The following B3GNT9 variants were observed in gnomAD, a reference collection of about 807,000 sequenced individuals.
B3GNT9 encodes UDP-GlcNAc:betaGal beta-1,3-N-acetylglucosaminyltransferase 9, also known as BGnT-9.
For missense variants in B3GNT9, 669 were observed against 599.2 expected, an observed-to-expected ratio of 1.12 and a Z score of -1.22; for synonymous variants, 359 against 283.9, an observed-to-expected ratio of 1.26 and a Z score of -2.66.
chr16:67,150,549 C>T lies in B3GNT9; in HGVS notation c.-64G>A. Reference sequence around the variant, plus strand: ...GCAGTCGGCAGCAGGGGGCAGCGAGCCCCGCCCTCCCCAGCTGAGGGGGCG... The same window carrying T: ...GCAGTCGGCAGCAGGGGGCAGCGAGTCCCGCCCTCCCCAGCTGAGGGGGCG... On this transcript the variant is annotated 5_prime_UTR_variant, in exon 2 of 2. Coordinates refer to ENST00000449549, the MANE Select transcript of B3GNT9 (RefSeq NM_033309.3). The T allele has an allele frequency of 8.1e-7, 1 of 1,227,250 alleles. No individual in the cohort carries two copies. Among genetic ancestry groups the T allele is most frequent in the South Asian group, 3.5e-5 (1 of 28,588 alleles). 76.0% of individuals were successfully genotyped at this position (1,227,250 alleles called of 1,614,324 possible).
In B3GNT9 at chr16:67,150,314, A is replaced by G. The variant is rs1490624380; in HGVS notation, c.172T>C (p.Leu58=). The G allele has an allele frequency of 1.4e-6, 2 of 1,411,606 alleles. No homozygotes were observed. Among genetic ancestry groups the G allele is most frequent in the South Asian group, 1.7e-5 (1 of 59,616 alleles). 87.4% of individuals were successfully genotyped at this position (1,411,606 alleles called of 1,614,324 possible). ...GGCGGGGCTGCACCCGCGTCGGGTA[A>G]CTGGAACGCGCGGGGTCCGGGGGTG... ...RPTPGPRAFQ[L]PDAGAAPPAY... The change falls in exon 2 of 2, where the codon TTA becomes CTA. Residue 58 remains leucine (L), a synonymous_variant. Transcript: ENST00000449549.
Position 67,150,439 on chromosome 16 carries a change from A to G in B3GNT9, c.47T>C (p.Leu16Pro), listed in dbSNP as rs2030434229. 1.5e-6 allele frequency: 2 copies of G among 1,346,998 alleles called. No homozygotes were observed. The highest frequency in any genetic ancestry group is 4.1e-5 in the South Asian group (2 of 48,868). 83.4% of individuals were successfully genotyped at this position (1,346,998 alleles called of 1,614,324 possible). Residue 16 changes from leucine to proline, a missense_variant, in exon 2 of 2, where the codon CTC becomes CCC. Leu to Pro is a moderately conservative substitution (Grantham distance 98). Transcript: ENST00000449549. Reference protein sequence around the residue: ...RLRRDALLTLLLGASLGLLLY... With the variant: ...RLRRDALLTLPLGASLGLLLY... ...TAAGAGGCCCAGGGAGGCGCCAAGG[A>G]GCAGCGTGAGCAATGCGTCCCTGCG...
rs778551587 is a variant in B3GNT9, at chr16:67,150,194, G to A, written c.292C>T (p.Leu98=). The change falls in exon 2 of 2, where the codon CTG becomes TTG. Residue 98 remains leucine, a synonymous_variant. Coordinates refer to ENST00000449549, the MANE Select transcript of B3GNT9 (RefSeq NM_033309.3). ...CACTTGTGCGGCTGGTTAATGAGCA[G>A]TGGAAACCGCCGCTGGTCCTTGGCG... ...LRAKDQRRFP[L]LINQPHKCRG... The A allele has an allele frequency of 4.5e-6, 7 of 1,559,120 alleles. 1 individual carries two copies. In the South Asian group the frequency reaches 8.2e-5, roughly 18 times the overall value.
rs768662463 is a variant in B3GNT9 at position 67,150,295 on chromosome 16, G to A, written c.191C>T (p.Ala64Val). The change falls in exon 2 of 2, where the codon GCC becomes GTC. Residue 64 changes from alanine (A) to valine (V), a missense_variant. Coordinates refer to ENST00000449549, the MANE Select transcript of B3GNT9 (RefSeq NM_033309.3). Reference sequence around the variant, plus strand: ...TGTGTCCCCTTCGTAGGCCGGCGGGGCTGCACCCGCGTCGGGTAACTGGAA... The same window carrying A: ...TGTGTCCCCTTCGTAGGCCGGCGGGACTGCACCCGCGTCGGGTAACTGGAA... ...RAFQLPDAGA[A>V]PPAYEGDTPA... The A allele has an allele frequency of 4.2e-6, 6 of 1,426,632 alleles. No homozygotes were observed. Among genetic ancestry groups the A allele is most frequent in the Admixed American group, 5.6e-5 (2 of 35,496 alleles). 88.4% of individuals were successfully genotyped at this position (1,426,632 alleles called of 1,614,324 possible). A position where few individuals can be genotyped will look rare whatever the true frequency, so the allele number is the denominator to read the frequency against.
rs755469148 is a variant in B3GNT9 at position 67,150,380 on chromosome 16, C to T, written c.106G>A (p.Ala36Thr). The change falls in exon 2 of 2, where the codon GCG (alanine) becomes ACG (threonine). Residue 36 changes from alanine to threonine, a missense_variant. Ala to Thr is a moderately conservative substitution (Grantham distance 58). Coordinates refer to ENST00000449549, the MANE Select transcript of B3GNT9 (RefSeq NM_033309.3). ...YAQRDGAAPT[A>T]SAPRGRGRAA... ...CTCCCTCGCCCTCGCGGCGCGCTCG[C>T]CGTCGGGGCCGCGCCGTCGCGCTGC... 7.4e-6 allele frequency: 10 copies of T among 1,345,558 alleles called. No homozygotes were observed. Among genetic ancestry groups the T allele is most frequent in the Non-Finnish European group, 9.5e-6 (10 of 1,049,562 alleles). 83.4% of individuals were successfully genotyped at this position (1,345,558 alleles called of 1,614,324 possible).
chr16:67,149,802 GC>G lies in B3GNT9; in HGVS notation c.683del (p.Gly228AlafsTer7), dbSNP rs1567659861. On this transcript the variant is annotated frameshift_variant, in exon 2 of 2. Coordinates refer to ENST00000449549, the MANE Select transcript of B3GNT9 (RefSeq NM_033309.3). LOFTEE classifies it low-confidence loss of function (END_TRUNC). ...FCPDVRFVFK[G>X]DADVFVNVGN... ...CCACGTTCACGAACACATCTGCGTC[GC>G]CCTTAAAAACGAAGCGCACGTCGGG... The G allele has an allele frequency of 5.6e-6, 9 of 1,613,890 alleles. No individual in the cohort carries two copies. The highest frequency in any genetic ancestry group is 7.6e-6 in the Non-Finnish European group (9 of 1,179,808).
rs778233853 is a variant in B3GNT9 at position 67,149,664 on chromosome 16, G to T, written c.822C>A (p.Pro274=). ...AGGCGGGCAGGCCGTACACGGCCTC[G>T]GGGATGTAGTACTTGCTAGCCCGCG... ...IRTRASKYYI[P]EAVYGLPAYP... The change falls in exon 2 of 2, where the codon CCC becomes CCA. Residue 274 remains proline (P), a synonymous_variant. Transcript: ENST00000449549. 6.2e-7 allele frequency: 1 copy of T among 1,606,352 alleles called. No individual in the cohort carries two copies. The highest frequency in any genetic ancestry group is 8.5e-7 in the Non-Finnish European group (1 of 1,176,522).
At position 67,150,880 on chromosome 16, in the gene B3GNT9, G is replaced by T. The variant is rs2030455633; in HGVS notation, c.-202C>A. ...CGACACTCACGCTCGGCCCTCGGAA[G>T]TGGCGCAGCCCCGGACGCCCTGGCC... On this transcript the variant is annotated 5_prime_UTR_variant, in exon 1 of 2. Transcript: ENST00000449549. 1 of 163,516 alleles carries T rather than the reference G, an allele frequency of 6.1e-6. No homozygotes were observed. The allele number at this position is 163,516 out of a possible 1,614,324, so 10.1% of individuals were successfully genotyped here.
In B3GNT9 at chr16:67,150,413, G is replaced by A; in HGVS notation, c.73C>T (p.Leu25Phe). ...GCCGCGCCGTCGCGCTGCGCATAGA[G>A]TAAGAGGCCCAGGGAGGCGCCAAGG... ...LLLGASLGLL[L>F]YAQRDGAAPT... The change falls in exon 2 of 2, where the codon CTC (leucine) becomes TTC (phenylalanine). Residue 25 changes from leucine (L) to phenylalanine (F), a missense_variant. Coordinates refer to ENST00000449549, the MANE Select transcript of B3GNT9 (RefSeq NM_033309.3). 1 of 1,365,408 alleles carries A rather than the reference G, an allele frequency of 7.3e-7. No individual in the cohort carries two copies. Among genetic ancestry groups the A allele is most frequent in the South Asian group, 1.9e-5 (1 of 53,094 alleles). 84.6% of individuals were successfully genotyped at this position (1,365,408 alleles called of 1,614,324 possible).
In B3GNT9 at chr16:67,150,909, G is replaced by A. The variant is rs528199013; in HGVS notation, c.-231C>T. On this transcript the variant is annotated 5_prime_UTR_variant, in exon 1 of 2. Transcript: ENST00000449549. ...CGCAGCCCCGGACGCCCTGGCCTCCGGGGCTCAGCGCAGGGTCCGAGGGGC... is the reference window on the plus strand; with the variant it reads ...CGCAGCCCCGGACGCCCTGGCCTCCAGGGCTCAGCGCAGGGTCCGAGGGGC... 39 of 155,518 alleles carry A rather than the reference G, an allele frequency of 2.5e-4. No individual in the cohort carries two copies. The East Asian group carries it at 7.1e-3, about 28-fold the overall frequency. 9.6% of individuals were successfully genotyped at this position (155,518 alleles called of 1,614,324 possible).
Position 67,148,968 on chromosome 16 carries a change from TC to T in B3GNT9, c.*308del, listed in dbSNP as rs1338263965. On this transcript the variant is annotated 3_prime_UTR_variant, in exon 2 of 2. Transcript: ENST00000449549. ...CAGCAGAGTGGTAGGATTCCCTAAGTCCCTGCCACCACACCAGAACACACCT... is the reference window on the plus strand; with the variant it reads ...CAGCAGAGTGGTAGGATTCCCTAAGTCCTGCCACCACACCAGAACACACCT... The T allele has an allele frequency of 2.7e-5, 8 of 294,700 alleles. No homozygotes were observed. Among genetic ancestry groups the T allele is most frequent in the Admixed American group, 1.0e-4 (2 of 19,520 alleles). The allele number at this position is 294,700 out of a possible 1,614,324, so 18.3% of individuals were successfully genotyped here.
At position 67,150,262 on chromosome 16, in the gene B3GNT9, G is replaced by A. The variant is rs763863658; in HGVS notation, c.224C>T (p.Pro75Leu). The A allele has an allele frequency of 2.6e-5, 39 of 1,499,772 alleles. No individual in the cohort carries two copies. The highest frequency in any genetic ancestry group is 5.8e-5 in the African/African-American group (4 of 68,866). 92.9% of individuals were successfully genotyped at this position (1,499,772 alleles called of 1,614,324 possible). Residue 75 changes from proline (P) to leucine (L), a missense_variant, in exon 2 of 2, where the codon CCG becomes CTG. Coordinates refer to ENST00000449549, the MANE Select transcript of B3GNT9 (RefSeq NM_033309.3). ...PPAYEGDTPA[P>L]PTPTGPFDFA... is the part of the protein sequence containing the mutation. Reference sequence around the variant, plus strand: ...GTCAAAGGGTCCCGTAGGCGTGGGCGGCGCCGGTGTGTCCCCTTCGTAGGC... The same window carrying A: ...GTCAAAGGGTCCCGTAGGCGTGGGCAGCGCCGGTGTGTCCCCTTCGTAGGC...
intron 1 of B3GNT9, 42 bp downstream of exon 1, chr16:67,150,823 T>A: frequency 4.6e-6 from 1 of 216,146 alleles, no homozygotes; most frequent in Non-Finnish European, 9.0e-6. Context: ...CCTTCCACCC[T>A]GCCATCCCCT....
chr16:67,150,116 A>G lies in B3GNT9; in HGVS notation c.370T>C (p.Ser124Pro), dbSNP rs767276714. The change falls in exon 2 of 2, where the codon TCG becomes CCG. Residue 124 changes from serine to proline, a missense_variant. By Grantham distance (74) the Ser-to-Pro change is moderately conservative. Coordinates refer to ENST00000449549, the MANE Select transcript of B3GNT9 (RefSeq NM_033309.3). Reference protein sequence around the residue: ...GRPDLLIAVKSVAEDFERRQA... With the variant: ...GRPDLLIAVKPVAEDFERRQA... Reference sequence around the variant, plus strand: ...CGCCGCTCGAAGTCCTCTGCCACCGACTTGACAGCAATAAGCAGGTCCGGG... The same window carrying G: ...CGCCGCTCGAAGTCCTCTGCCACCGGCTTGACAGCAATAAGCAGGTCCGGG... 3 of 1,488,958 alleles carry G rather than the reference A, an allele frequency of 2.0e-6. No individual in the cohort carries two copies. Among genetic ancestry groups the G allele is most frequent in the Admixed American group, 2.5e-5 (1 of 39,786 alleles). 92.2% of individuals were successfully genotyped at this position (1,488,958 alleles called of 1,614,324 possible).
rs767546241 is a variant in B3GNT9, at chr16:67,149,643, G to A, written c.843C>T (p.Pro281=). Residue 281 remains proline, a synonymous_variant, in exon 2 of 2, where the codon CCC becomes CCT. Coordinates refer to ENST00000449549, the MANE Select transcript of B3GNT9 (RefSeq NM_033309.3). ...CGCCGCCCGCGTAGGCCGGATAGGC[G>A]GGCAGGCCGTACACGGCCTCGGGGA... ...YYIPEAVYGL[P]AYPAYAGGGG... is the part of the protein sequence containing the mutation. The A allele has an allele frequency of 1.0e-5, 16 of 1,601,150 alleles. No homozygotes were observed. The highest frequency in any genetic ancestry group is 2.7e-5 in the African/African-American group (2 of 74,650).
In B3GNT9 at chr16:67,149,683, G is replaced by T; in HGVS notation, c.803C>A (p.Ala268Asp). ...IVHARPIRTR[A>D]SKYYIPEAVY... The stretch of plus-strand genomic sequence containing the variant: ...GGCCTCGGGGATGTAGTACTTGCTA[G>T]CCCGCGTGCGGATGGGCCGCGCATG... The change falls in exon 2 of 2, where the codon GCT becomes GAT. Residue 268 changes from alanine (A) to aspartate (D), a missense_variant. Coordinates refer to ENST00000449549, the MANE Select transcript of B3GNT9 (RefSeq NM_033309.3). The T allele has an allele frequency of 5.6e-6, 9 of 1,610,908 alleles. No homozygotes were observed. Among genetic ancestry groups the T allele is most frequent in the Non-Finnish European group, 7.6e-6 (9 of 1,178,656 alleles).
In B3GNT9 at chr16:67,150,506, C is replaced by G; in HGVS notation, c.-21G>C. On this transcript the variant is annotated 5_prime_UTR_variant, in exon 2 of 2. Transcript: ENST00000449549. Reference sequence around the variant, plus strand: ...CTCATCTCCGCGCGGCCTGCGCCCTCCCTCCCCTGTAAGGGTCGCAGTCGG... The same window carrying G: ...CTCATCTCCGCGCGGCCTGCGCCCTGCCTCCCCTGTAAGGGTCGCAGTCGG... The G allele has an allele frequency of 6.2e-6, 8 of 1,287,554 alleles. No individual in the cohort carries two copies. The highest frequency in any genetic ancestry group is 7.9e-6 in the Non-Finnish European group (8 of 1,018,658). 79.8% of individuals were successfully genotyped at this position (1,287,554 alleles called of 1,614,324 possible).
chr16:67,150,130 A>G lies in B3GNT9; in HGVS notation c.356T>C (p.Leu119Pro). ...DGAPGGRPDL[L>P]IAVKSVAEDF... is the part of the protein sequence containing the mutation. ...CTCTGCCACCGACTTGACAGCAATA[A>G]GCAGGTCCGGGCGGCCACCGGGTGC... is the stretch of plus-strand genomic sequence containing the variant. The change falls in exon 2 of 2, where the codon CTT (leucine) becomes CCT (proline). Residue 119 changes from leucine (L) to proline (P), a missense_variant. By Grantham distance (98) the Leu-to-Pro change is moderately conservative. Coordinates refer to ENST00000449549, the MANE Select transcript of B3GNT9 (RefSeq NM_033309.3). 6.6e-7 allele frequency: 1 copy of G among 1,516,068 alleles called. No homozygotes were observed. The highest frequency in any genetic ancestry group is 8.8e-7 in the Non-Finnish European group (1 of 1,134,236). 93.9% of individuals were successfully genotyped at this position (1,516,068 alleles called of 1,614,324 possible).
At position 67,148,445 on chromosome 16, in the gene B3GNT9, C is replaced by T. The variant is rs1347973887; in HGVS notation, c.*832G>A. ...TTCCCATCCTCCTGGAATGGGGGAA[C>T]CTTCCTTATCCCCTGCCCACATCCC... On this transcript the variant is annotated 3_prime_UTR_variant, in exon 2 of 2. Transcript: ENST00000449549. 1 of 152,566 alleles carries T rather than the reference C, an allele frequency of 6.6e-6. No homozygotes were observed. Among genetic ancestry groups the T allele is most frequent in the Non-Finnish European group, 1.5e-5 (1 of 68,054 alleles). 9.5% of individuals were successfully genotyped at this position (152,566 alleles called of 1,614,324 possible).
Sources: allele counts gnomAD v4.1 joint callset, GRCh38; gene constraint gnomAD v4.1.1; transcripts MANE v1.5; gene names NCBI Gene and HGNC (gene_info 2026-07-23, HGNC 2026-07-21).